Variants in MYT1L observed in about 807,000 individuals in gnomAD.
MYT1L encodes the protein myelin transcription factor 1-like protein.
Under a neutral mutation model 126.7 loss-of-function variants are expected in MYT1L, and 12 were observed. The observed-to-expected ratio is 0.09, with a 90% CI of 0.06 to 0.15. The LOEUF (loss-of-function observed/expected upper bound fraction) is 0.15, where lower values mean the gene tolerates loss of function less well. Ranked by LOEUF, MYT1L falls within the 10% of genes least tolerant of loss-of-function variation. The probability of loss-of-function intolerance (pLI) is 1.00; values close to 1 mark genes in which losing one functional copy is unlikely to be tolerated. For synonymous variants in MYT1L, 541 were observed against 604.2 expected (o/e 0.90, Z 1.53); for missense variants, 979 against 1,585.2 (o/e 0.62, Z 6.49).
intron 2 of MYT1L, among the ~76,000 whole-genome samples, chr2:2,276,438 TA>T (rs2149372756): frequency 6.6e-6 from 1 of 152,336 alleles, no homozygotes; most frequent in Admixed American, 6.5e-5. Context: ...ATATGTCAGT[TA>T]ATTAATAAAG....
rs142956477 is a variant in MYT1L at position 1,932,562 on chromosome 2, A to G, written c.506-9299T>C. Reference sequence around the variant, plus strand: ...TTCCATTGCAGTTGGTGAAAGAGGTAAAAATAGAGAGTAATAAATACTGTG... The same window carrying G: ...TTCCATTGCAGTTGGTGAAAGAGGTGAAAATAGAGAGTAATAAATACTGTG... On this transcript the variant is annotated intron_variant, in intron 9 of 24. Coordinates refer to ENST00000647738, the MANE Select transcript of MYT1L (RefSeq NM_001303052.2). Among the ~76,000 whole-genome samples, 668 of 152,320 alleles carry G rather than the reference A, an allele frequency of 4.4e-3. 5 individuals carry two copies. The highest frequency in any genetic ancestry group is 0.015 in the African/African-American group (636 of 41,580).
At chr2:1,965,310 G>A (rs4853817) in intron 8 of MYT1L, among the ~76,000 whole-genome samples, 1 of 140,578 alleles carries the variant, frequency 7.1e-6, no homozygotes. Flanking sequence ...GCAGGGAAGA[G>A]GAGGACCCAG....
At chr2:1,810,494 A>G (rs2036438466) in intron 21 of MYT1L, among the ~76,000 whole-genome samples, 1 of 152,148 alleles carries the variant, frequency 6.6e-6, no homozygotes, top group African/African-American at 2.4e-5. Context: ...TATACATAAT[A>G]TTGTATTTCA....
intron 2 of MYT1L, among the ~76,000 whole-genome samples, chr2:2,206,274 G>T (rs528065691): frequency 6.6e-6 from 1 of 151,992 alleles, no homozygotes; most frequent in South Asian, 2.1e-4. Flanking sequence ...CACCGTGCCC[G>T]GCCAAGCTGT....
At chr2:2,304,112 A>T (rs2095826084) in intron 1 of MYT1L, 1 of 152,246 alleles carries the variant, frequency 6.6e-6, no homozygotes, top group African/African-American at 2.4e-5. Flanking sequence ...GCTGTACAGG[A>T]TTTAACAAAA....
At chr2:2,288,748 G>T (rs1021453806) in intron 1 of MYT1L, among the ~76,000 whole-genome samples, 1 of 152,150 alleles carries the variant, frequency 6.6e-6, no homozygotes, top group African/African-American at 2.4e-5. Flanking sequence ...TAGAGTATCA[G>T]TTATCAGGTT....
chr2:1,830,430 T>A (rs1424745693), intron 21 of MYT1L, among the ~76,000 whole-genome samples: 1 of 151,800 alleles, frequency 6.6e-6, no homozygotes, highest in African/African-American at 2.4e-5. Flanking sequence ...CCACTGACAT[T>A]GTCTGGAAGA....
chr2:1,939,053 G>A (rs1048196185), intron 9 of MYT1L, among the ~76,000 whole-genome samples: 7 of 152,172 alleles, frequency 4.6e-5, no homozygotes, highest in South Asian at 2.1e-4. Flanking sequence ...GGGATAAATC[G>A]CCTGAGACTT....
intron 8 of MYT1L, among the ~76,000 whole-genome samples, chr2:1,954,257 A>T (rs772295348): frequency 1.8e-4 from 27 of 152,124 alleles, no homozygotes; most frequent in Non-Finnish European, 3.1e-4. Context: ...CATACGGCAA[A>T]CGCGAGGCTG....
chr2:1,955,371 A>ACT (rs1349604994), intron 8 of MYT1L, among the ~76,000 whole-genome samples: 1 of 152,166 alleles, frequency 6.6e-6, no homozygotes, highest in Non-Finnish European at 1.5e-5. Flanking sequence ...GGAGATATAC[A>ACT]TTTGAACACT....
In MYT1L at chr2:1,801,282, C is replaced by T. The variant is rs1398637761; in HGVS notation, c.3276+414G>A. On this transcript the variant is annotated intron_variant, in intron 23 of 24. Transcript: ENST00000647738. This position sits in a 1 kb window ranked among gnomAD's most constrained non-coding sequence, Gnocchi z 4.2. ...GGCCACTTCCCCAAATCCCAGACAC[C>T]CAGGAGTCCTATGTGGCAGGCACTC... The T allele has an allele frequency of 6.4e-6, 1 of 156,302 alleles. No individual in the cohort carries two copies. The highest frequency in any genetic ancestry group is 2.4e-5 in the African/African-American group (1 of 41,542). The allele number at this position is 156,302 out of a possible 1,614,324, so 9.7% of individuals were successfully genotyped here.
At chr2:2,036,706 T>G (rs2066893261) in intron 4 of MYT1L, among the ~76,000 whole-genome samples, 1 of 152,248 alleles carries the variant, frequency 6.6e-6, no homozygotes, top group South Asian at 2.1e-4. Context: ...AGCTACATCA[T>G]CGCTCACCTG....
intron 8 of MYT1L, among the ~76,000 whole-genome samples, chr2:1,963,788 C>T (rs1047625926): frequency 3.9e-5 from 6 of 152,220 alleles, no homozygotes; most frequent in Non-Finnish European, 7.3e-5. Flanking sequence ...GAGTTACAGC[C>T]TTGTTCTGAG....
At chr2:2,197,693 GCA>G (rs927917644) in intron 2 of MYT1L, among the ~76,000 whole-genome samples, 8 of 126,868 alleles carry the variant, frequency 6.3e-5, no homozygotes, top group East Asian at 2.4e-4. Context: ...ATACATACAT[GCA>G]CACACACACA....
chr2:2,147,743 A>C (rs1336331291), intron 3 of MYT1L, among the ~76,000 whole-genome samples: 16 of 152,176 alleles, frequency 1.1e-4, no homozygotes, highest in Admixed American at 1.0e-3. Flanking sequence ...AGGCACAAGA[A>C]GGCAGGGTGT....
chr2:2,167,327 C>A (rs969298515), intron 3 of MYT1L, among the ~76,000 whole-genome samples: 16 of 152,132 alleles, frequency 1.1e-4, no homozygotes, highest in Admixed American at 6.5e-5. Flanking sequence ...TGTCTGAATC[C>A]CACCTGGATC....
intron 2 of MYT1L, among the ~76,000 whole-genome samples, chr2:2,254,578 C>G (rs1408272657): frequency 6.6e-6 from 1 of 152,216 alleles, no homozygotes; most frequent in Non-Finnish European, 1.5e-5. Flanking sequence ...ATGTATGTTT[C>G]TTACAGCACT....
intron 1 of MYT1L, among the ~76,000 whole-genome samples, chr2:2,308,526 C>T (rs1380454598): frequency 6.6e-6 from 1 of 151,866 alleles, no homozygotes; most frequent in Non-Finnish European, 1.5e-5. Flanking sequence ...CTTGCCTACA[C>T]TTCAGTATAT....
intron 18 of MYT1L, among the ~76,000 whole-genome samples, chr2:1,878,898 C>T (rs1358586500): frequency 6.6e-6 from 1 of 152,128 alleles, no homozygotes; most frequent in Non-Finnish European, 1.5e-5. Flanking sequence ...CATGTAATCA[C>T]CTGTAGAACC....
Sources: allele counts gnomAD v4.1 joint callset (sites outside exome capture counted in the v4.1 genomes callset), GRCh38; gene constraint gnomAD v4.1.1; non-coding constraint Gnocchi (gnomAD v3.1); transcripts MANE v1.5; gene names NCBI Gene and HGNC (gene_info 2026-07-23, HGNC 2026-07-21).